The following CNTN4 variants were observed in gnomAD, a reference collection of about 807,000 sequenced individuals.
The protein encoded by CNTN4 is contactin-4.
Under a neutral mutation model 122.5 loss-of-function variants are expected in CNTN4, and 77 were observed. The ratio of observed to expected loss-of-function variants is 0.63; its 90% CI spans 0.52 to 0.76. The LOEUF (loss-of-function observed/expected upper bound fraction) is 0.76, where lower values mean the gene tolerates loss of function less well. CNTN4 is among the 30% of genes least tolerant of loss of function. The probability of loss-of-function intolerance (pLI) is 0.00; values close to 1 mark genes in which losing one functional copy is unlikely to be tolerated. For synonymous variants in CNTN4, 512 were observed against 447.0 expected (o/e 1.15, Z -1.83); for missense variants, 1,256 against 1,259.1 (o/e 1.00, Z 0.04).
chr3:3,010,577 A>G (rs1697130775), intron 14 of CNTN4, among the ~76,000 whole-genome samples: 1 of 152,132 alleles, frequency 6.6e-6, no homozygotes, highest in Non-Finnish European at 1.5e-5. Context: ...GGAAGCCAGC[A>G]CAATGCCTGA....
chr3:2,202,087 AG>A, intron 2 of CNTN4, among the ~76,000 whole-genome samples: 1 of 152,246 alleles, frequency 6.6e-6, no homozygotes, highest in East Asian at 1.9e-4. Context: ...ACTTTCCTAC[AG>A]GCATTTTTAT....
At chr3:2,588,658 C>A (rs2080320277) in intron 4 of CNTN4, among the ~76,000 whole-genome samples, 1 of 152,030 alleles carries the variant, frequency 6.6e-6, no homozygotes, top group Non-Finnish European at 1.5e-5. Flanking sequence ...AGCCACCACG[C>A]CTGGCCATGA....
intron 2 of CNTN4, among the ~76,000 whole-genome samples, chr3:2,112,933 CT>C (rs1246473536): frequency 6.6e-6 from 1 of 152,108 alleles, no homozygotes; most frequent in Non-Finnish European, 1.5e-5. Context: ...GTATTCTCCC[CT>C]GTTAGGTAAT....
chr3:2,485,166 C>T (rs894684259), intron 3 of CNTN4, among the ~76,000 whole-genome samples: 1 of 152,242 alleles, frequency 6.6e-6, no homozygotes. Context: ...TTGGGACCTG[C>T]AGCCTGCCAT....
rs938388565 is a variant in CNTN4, at chr3:2,751,534, A to G, written c.358+5837A>G. On this transcript the variant is annotated intron_variant, in intron 6 of 24. Transcript: ENST00000418658. ...GAGCAAAACCAAGTTGAATACTTCA[A>G]AAAGTTCTTCCATAGACGAATAAAT... Among the ~76,000 whole-genome samples the G allele has an allele frequency of 6.6e-5, 10 of 152,282 alleles. No homozygotes were observed. The South Asian group carries it at 8.3e-4, about 13-fold the overall frequency.
chr3:2,989,322 C>A (rs962689032), intron 14 of CNTN4, among the ~76,000 whole-genome samples: 24 of 152,140 alleles, frequency 1.6e-4, no homozygotes, highest in Non-Finnish European at 3.4e-4. Context: ...GATCCTGATT[C>A]TGAGTTCTTC....
At chr3:2,644,540 A>T (rs1240713968) in intron 4 of CNTN4, among the ~76,000 whole-genome samples, 1 of 151,718 alleles carries the variant, frequency 6.6e-6, no homozygotes, top group East Asian at 1.9e-4. Context: ...TCCATCACTC[A>T]ATTCAGATGT....
chr3:2,736,262 G>C lies in CNTN4; in HGVS notation c.103G>C (p.Val35Leu). 6.2e-7 allele frequency: 1 copy of C among 1,613,522 alleles called. No individual in the cohort carries two copies. ...GATTTTTATTCAAGAACCAAGTCCTGTAATGTTCCCTTTGGATTCTGAGGA... is the reference window on the plus strand; with the variant it reads ...GATTTTTATTCAAGAACCAAGTCCTCTAATGTTCCCTTTGGATTCTGAGGA... ...GPIFIQEPSPVMFPLDSEEKK... is the reference protein window; with the variant it reads ...GPIFIQEPSPLMFPLDSEEKK... The change falls in exon 5 of 25, where the codon GTA (valine) becomes CTA (leucine). Residue 35 changes from valine (V) to leucine (L), a missense_variant. Transcript: ENST00000418658.
intron 14 of CNTN4, chr3:3,008,885 G>A (rs1696904799): frequency 4.3e-6 from 4 of 926,848 alleles, no homozygotes; most frequent in South Asian, 1.0e-4. Flanking sequence ...CATTGTCCTC[G>A]GCATTCTAGG....
intron 3 of CNTN4, among the ~76,000 whole-genome samples, chr3:2,556,956 T>C (rs1215291247): frequency 6.6e-6 from 1 of 152,156 alleles, no homozygotes; most frequent in African/African-American, 2.4e-5. Context: ...GAGGGGCTGG[T>C]AGGCAAGAAA....
At chr3:2,572,778 A>G (rs1019351270) in intron 4 of CNTN4, among the ~76,000 whole-genome samples, 4 of 152,218 alleles carry the variant, frequency 2.6e-5, no homozygotes, top group African/African-American at 9.6e-5. Flanking sequence ...TGATCAAAAC[A>G]GACATGCTAC....
intron 2 of CNTN4, chr3:2,132,375 C>CA (rs2034492452): frequency 6.6e-6 from 1 of 152,132 alleles, no homozygotes; most frequent in Non-Finnish European, 1.5e-5. Flanking sequence ...ACACGAGGGG[C>CA]AATAATCCAC....
intron 4 of CNTN4, among the ~76,000 whole-genome samples, chr3:2,587,397 A>C (rs1171404176): frequency 1.3e-5 from 2 of 152,202 alleles, no homozygotes; most frequent in Admixed American, 1.3e-4. Context: ...AGTACTGATA[A>C]GACAGGCAAA....
intron 2 of CNTN4, among the ~76,000 whole-genome samples, chr3:2,148,138 A>C (rs2125386059): frequency 6.6e-6 from 1 of 152,302 alleles, no homozygotes; most frequent in African/African-American, 2.4e-5. Flanking sequence ...ATGATAATTC[A>C]GAAAATAGTA....
chr3:3,039,571 C>A (rs1009093355), intron 19 of CNTN4: 3 of 208,974 alleles, frequency 1.4e-5, no homozygotes, highest in Non-Finnish European at 2.9e-5. Flanking sequence ...ACCCAAAGCA[C>A]AGCAGTGAAA....
At chr3:2,744,243 T>C (rs938437312) in intron 5 of CNTN4, among the ~76,000 whole-genome samples, 4 of 152,240 alleles carry the variant, frequency 2.6e-5, no homozygotes, top group Admixed American at 2.0e-4. Context: ...ATATTTGCTT[T>C]TGTTGATACC....
chr3:2,226,638 T>C (rs1487750145), intron 2 of CNTN4, among the ~76,000 whole-genome samples: 19 of 152,190 alleles, frequency 1.2e-4, no homozygotes, highest in Non-Finnish European at 1.5e-5. Flanking sequence ...ACCTTCATCA[T>C]AGGCAAATAT....
At chr3:2,907,364 G>T (rs905843992) in intron 12 of CNTN4, among the ~76,000 whole-genome samples, 5 of 152,140 alleles carry the variant, frequency 3.3e-5, no homozygotes, top group Middle Eastern at 3.2e-3. Flanking sequence ...CCTGAGGTCA[G>T]GAGTTCCAGA....
rs1244414157 is a variant in CNTN4 at position 2,247,114 on chromosome 3, A to G, written c.-144-92064A>G. Among the ~76,000 whole-genome samples, 3 of 151,992 alleles carry G rather than the reference A, an allele frequency of 2.0e-5. No homozygotes were observed. The East Asian group carries it at 5.8e-4, about 29-fold the overall frequency. On this transcript the variant is annotated intron_variant, in intron 2 of 24. Coordinates refer to ENST00000418658, the MANE Select transcript of CNTN4 (RefSeq NM_175607.3). Reference sequence around the variant, plus strand: ...CACAGGTGCCTTTTCTTTCTCTGGAAGGGAGATTTGCATGGATGCCTTTCT... The same window carrying G: ...CACAGGTGCCTTTTCTTTCTCTGGAGGGGAGATTTGCATGGATGCCTTTCT...
Sources: allele counts gnomAD v4.1 joint callset (sites outside exome capture counted in the v4.1 genomes callset), GRCh38; gene constraint gnomAD v4.1.1; transcripts MANE v1.5; gene names NCBI Gene and HGNC (gene_info 2026-07-23, HGNC 2026-07-21).